Variants in TANC2 observed in about 807,000 individuals in gnomAD.
TANC2 encodes the protein protein TANC2.
TANC2 carries 26 observed loss-of-function variants against 210.5 expected under a neutral mutation model. The ratio of observed to expected loss-of-function variants is 0.12; its 90% confidence interval spans 0.09 to 0.17. The LOEUF is 0.17. Ranked by LOEUF, TANC2 falls within the 10% of genes least tolerant of loss-of-function variation. The pLI, the probability that TANC2 is intolerant of heterozygous loss-of-function variation, is 1.00. For missense variants in TANC2, 2,129 were observed against 2,608.9 expected, an observed-to-expected ratio of 0.82 and a Z score of 4.01; for synonymous variants, 931 against 967.1, an observed-to-expected ratio of 0.96 and a Z score of 0.69.
intron 12 of TANC2, among the ~76,000 whole-genome samples, chr17:63,346,502 A>G (rs779184806): frequency 6.6e-6 from 1 of 152,242 alleles, no homozygotes; most frequent in Non-Finnish European, 1.5e-5. Context: ...AGAAGTGTTT[A>G]ACATGAGTAA....
Position 63,318,748 on chromosome 17 carries a change from G to C in TANC2, c.1442-209G>C, listed in dbSNP as rs184897976. On this transcript the variant is annotated intron_variant, in intron 10 of 27. Coordinates refer to ENST00000689528, the Ensembl canonical transcript of TANC2. ...ATTTCATCTATTCATCAGTTGGTGG[G>C]CATTTAGGTTGTTTCCACTTTTGGC... is the stretch of plus-strand genomic sequence containing the variant. Among the ~76,000 whole-genome samples, 297 of 152,192 alleles carry C rather than the reference G, an allele frequency of 2.0e-3. 1 individual carries two copies. The highest frequency in any genetic ancestry group is 6.8e-3 in the Middle Eastern group (2 of 294).
At chr17:63,044,783 TA>T (rs2035316347) in intron 2 of TANC2, among the ~76,000 whole-genome samples, 1 of 152,188 alleles carries the variant, frequency 6.6e-6, no homozygotes, top group East Asian at 1.9e-4. Context: ...AGGAGAAAGG[TA>T]ATGTCCTAGT....
In TANC2 at chr17:63,184,975, G is replaced by GT. The variant is rs796115856; in HGVS notation, c.434-9004dup. ...CTATCTTCTTTTGTTCAGTAATACG[G>GT]TTTTTTTTTTTTGGAGGGGGGGTTG... On this transcript the variant is annotated intron_variant, in intron 5 of 27. Transcript: ENST00000689528. Among the ~76,000 whole-genome samples, 597 of 141,540 alleles carry GT rather than the reference G, an allele frequency of 4.2e-3. 1 individual carries two copies. Among genetic ancestry groups the GT allele is most frequent in the African/African-American group, 7.9e-3 (309 of 39,024 alleles). The allele number at this position is 141,540 out of a possible 152,430, so 92.9% of individuals were successfully genotyped here.
intron 1 of TANC2, among the ~76,000 whole-genome samples, chr17:62,991,047 T>A (rs997644905): frequency 7.2e-5 from 11 of 152,170 alleles, no homozygotes; most frequent in Non-Finnish European, 1.5e-4. Flanking sequence ...TGACTTTTTT[T>A]AACAGTGTTC....
chr17:63,222,720 A>G (rs935925710), intron 7 of TANC2, among the ~76,000 whole-genome samples: 7 of 148,968 alleles, frequency 4.7e-5, no homozygotes, highest in Non-Finnish European at 1.0e-4. Flanking sequence ...AAACTGATTA[A>G]ACACACACAC....
intron 1 of TANC2, among the ~76,000 whole-genome samples, chr17:63,001,586 T>A (rs1236307216): frequency 6.7e-6 from 1 of 149,882 alleles, no homozygotes; most frequent in Non-Finnish European, 1.5e-5. Flanking sequence ...GGAGTCTCCC[T>A]CTGTTGCCCA....
intron 5 of TANC2, among the ~76,000 whole-genome samples, chr17:63,156,073 A>C (rs1438184649): frequency 6.6e-6 from 1 of 152,074 alleles, no homozygotes; most frequent in East Asian, 1.9e-4. Flanking sequence ...TAAATAATTA[A>C]CCATGCTTCT....
chr17:63,331,499 A>C (rs1182552013), intron 11 of TANC2, among the ~76,000 whole-genome samples: 1 of 152,226 alleles, frequency 6.6e-6, no homozygotes, highest in Non-Finnish European at 1.5e-5. Flanking sequence ...TTAGATTCTC[A>C]TCCATCTCTA....
intron 7 of TANC2, among the ~76,000 whole-genome samples, chr17:63,224,018 A>G (rs2042263885): frequency 6.6e-6 from 1 of 152,162 alleles, no homozygotes; most frequent in African/African-American, 2.4e-5. Flanking sequence ...AAAGAGCTCC[A>G]ACTTCCTTTT....
intron 1 of TANC2, among the ~76,000 whole-genome samples, chr17:62,968,068 A>G (rs1413047057): frequency 3.3e-5 from 5 of 152,230 alleles, no homozygotes; most frequent in East Asian, 3.8e-4. Context: ...AATTACCAAC[A>G]TGCTGCAAAA....
intron 7 of TANC2, among the ~76,000 whole-genome samples, chr17:63,206,247 C>T (rs2041707720): frequency 6.6e-6 from 1 of 152,134 alleles, no homozygotes; most frequent in African/African-American, 2.4e-5. Context: ...TCATACATTG[C>T]TGCTGGGAAT....
At chr17:63,425,539 T>C (rs996774328) in exon 28 of TANC2, 2 of 152,174 alleles carry the variant, frequency 1.3e-5, no homozygotes, top group Non-Finnish European at 2.9e-5. Flanking sequence ...GTGGGCTATG[T>C]GGATGTCACT....
chr17:63,136,498 C>G (rs2039093943), intron 4 of TANC2, among the ~76,000 whole-genome samples: 1 of 152,176 alleles, frequency 6.6e-6, no homozygotes, highest in Admixed American at 6.5e-5. Flanking sequence ...CAAATGTAAA[C>G]TAGTTAATTC....
chr17:63,132,537 C>T (rs1233997521), intron 4 of TANC2, among the ~76,000 whole-genome samples: 2 of 152,156 alleles, frequency 1.3e-5, no homozygotes, highest in African/African-American at 4.8e-5. Context: ...AGTTCTGTCT[C>T]TCCAGCTAGC....
chr17:63,055,979 AAAAAAAAAAAAATAT>A (rs1187630503), intron 2 of TANC2, among the ~76,000 whole-genome samples: 1,710 of 41,208 alleles, frequency 0.041, 19 homozygotes, highest in Non-Finnish European at 0.059. Flanking sequence ...AAAAAAAAAA[AAAAAAAAAAAAATAT>A]ATATATATAT....
intron 12 of TANC2, among the ~76,000 whole-genome samples, chr17:63,348,359 G>A (rs1434827458): frequency 1.3e-5 from 2 of 152,180 alleles, no homozygotes; most frequent in Non-Finnish European, 2.9e-5. Context: ...CATGTAAGTG[G>A]AGGCAGTGGG....
At chr17:63,073,804 C>T in intron 2 of TANC2, 139 bp from the exon 3 acceptor site, 1 of 818,296 alleles carries the variant, frequency 1.2e-6, no homozygotes, top group Non-Finnish European at 1.8e-6. Context: ...AAGAAAAATC[C>T]TCAAATATTT....
chr17:63,260,485 A>G (rs2043323159), intron 8 of TANC2, among the ~76,000 whole-genome samples: 1 of 152,200 alleles, frequency 6.6e-6, no homozygotes, highest in African/African-American at 2.4e-5. Flanking sequence ...ATACTAGGTG[A>G]TCTTTTAAGA....
At chr17:63,398,880 G>C in exon 19 of TANC2, 1 of 1,598,068 alleles carries the variant, frequency 6.3e-7, no homozygotes, top group Non-Finnish European at 8.5e-7. Context: ...AGCGAGCACA[G>C]ATCAACAGCT....
Sources: gnomAD v4.1 joint callset for allele counts (sites outside exome capture counted in the v4.1 genomes callset) on GRCh38, gnomAD v4.1.1 for gene constraint, MANE v1.5 for transcripts, NCBI Gene and HGNC (gene_info 2026-07-23, HGNC 2026-07-21) for gene names.